The following SOX5 variants were observed in gnomAD, a reference collection of about 807,000 sequenced individuals.
SOX5 encodes transcription factor SOX-5.
Under a neutral mutation model 92.0 loss-of-function variants are expected in SOX5, and 9 were observed. That is an observed-to-expected ratio of 0.10 (90% confidence interval 0.06 to 0.17). The LOEUF (loss-of-function observed/expected upper bound fraction) is 0.17, where lower values mean the gene tolerates loss of function less well. Among genes scored for constraint, SOX5 ranks in the 10% least tolerant of loss-of-function variants. The probability of loss-of-function intolerance (pLI) is 1.00; values close to 1 mark genes in which losing one functional copy is unlikely to be tolerated. For synonymous variants in SOX5, 344 were observed against 336.3 expected (o/e 1.02, Z -0.25); for missense variants, 642 against 944.5 (o/e 0.68, Z 4.20).
At chr12:24,051,808 C>T (rs1467877491) in intron 4 of SOX5, among the ~76,000 whole-genome samples, 1 of 152,204 alleles carries the variant, frequency 6.6e-6, no homozygotes, top group Non-Finnish European at 1.5e-5. Context: ...CTTTTACCAA[C>T]AACCACATTA....
At chr12:23,753,409 A>C (rs1201824061) in intron 4 of SOX5, among the ~76,000 whole-genome samples, 1 of 151,696 alleles carries the variant, frequency 6.6e-6, no homozygotes, top group Non-Finnish European at 1.5e-5. Flanking sequence ...TTAAATGCAA[A>C]CTGGCTAATA....
At chr12:23,769,675 T>C (rs4301870) in intron 3 of SOX5, among the ~76,000 whole-genome samples, 40,708 of 152,074 alleles carry the variant, frequency 0.27, 6,436 homozygotes, top group African/African-American at 0.43. Flanking sequence ...TTGTATCTTC[T>C]GGGGTTAATA....
At chr12:23,827,100 A>G (rs1052376583) in intron 3 of SOX5, among the ~76,000 whole-genome samples, 2 of 152,152 alleles carry the variant, frequency 1.3e-5, no homozygotes, top group Admixed American at 1.3e-4. Flanking sequence ...TTAAATCAAG[A>G]CTCAGTATTT....
rs941959361 is a variant in SOX5, at chr12:23,618,425, T to C, written c.1018-13892A>G. Among the ~76,000 whole-genome samples, 4 of 152,170 alleles carry C rather than the reference T, an allele frequency of 2.6e-5. No homozygotes were observed. In the East Asian group the frequency reaches 5.8e-4, roughly 22 times the overall value. On this transcript the variant is annotated intron_variant, in intron 8 of 14. Coordinates refer to ENST00000451604, the MANE Select transcript of SOX5 (RefSeq NM_006940.6). ...AGATTGGGGGGTAGTAATCAAGCCA[T>C]TTTTAAACAGCATTCTAACTCAATA...
intron 1 of SOX5, among the ~76,000 whole-genome samples, chr12:24,432,290 T>C (rs1938504347): frequency 1.3e-5 from 2 of 152,210 alleles, no homozygotes; most frequent in Admixed American, 6.5e-5. Context: ...CCATTAAAGA[T>C]GGATACTTCC....
chr12:24,506,784 C>CTTGTTTTTTTTTTTTTTTTTTTTT (rs1948797481), intron 1 of SOX5, among the ~76,000 whole-genome samples: 1 of 81,760 alleles, frequency 1.2e-5, no homozygotes, highest in Non-Finnish European at 2.2e-5. Flanking sequence ...TCCAAATGGT[C>CTTGTTTTTTTTTTTTTTTTTTTTT]TTTTTTTTTT....
intron 3 of SOX5, among the ~76,000 whole-genome samples, chr12:24,217,795 A>T (rs1959373399): frequency 1.3e-5 from 2 of 152,258 alleles, no homozygotes; most frequent in South Asian, 4.1e-4. Context: ...TTAGAACTCT[A>T]TAATGAAAAG....
chr12:23,697,495 A>C (rs140528523), intron 6 of SOX5, among the ~76,000 whole-genome samples: 2 of 152,104 alleles, frequency 1.3e-5, no homozygotes, highest in Non-Finnish European at 2.9e-5. Context: ...TTTTTTGTTA[A>C]CTTGACAATC....
At chr12:23,909,107 T>C (rs1311224524) in intron 1 of SOX5, among the ~76,000 whole-genome samples, 1 of 152,180 alleles carries the variant, frequency 6.6e-6, no homozygotes, top group Non-Finnish European at 1.5e-5. Flanking sequence ...AGCAATGGTA[T>C]GACAAGTATA....
chr12:23,697,638 C>T (rs2090060432), intron 6 of SOX5, among the ~76,000 whole-genome samples: 1 of 152,182 alleles, frequency 6.6e-6, no homozygotes, highest in African/African-American at 2.4e-5. Context: ...GCAACCTCTG[C>T]CTCCCAGATT....
chr12:24,387,318 A>G (rs1256351994), intron 1 of SOX5, among the ~76,000 whole-genome samples: 1 of 152,206 alleles, frequency 6.6e-6, no homozygotes, highest in African/African-American at 2.4e-5. Context: ...ATGTGGCCCA[A>G]TACAAATTTG....
intron 1 of SOX5, among the ~76,000 whole-genome samples, chr12:24,386,156 C>T (rs1958390216): frequency 1.3e-5 from 2 of 151,956 alleles, no homozygotes; most frequent in African/African-American, 4.8e-5. Context: ...AAATTGGTTC[C>T]ATTATATGCT....
At chr12:24,530,845 C>T (rs953236518) in intron 1 of SOX5, among the ~76,000 whole-genome samples, 1 of 151,978 alleles carries the variant, frequency 6.6e-6, no homozygotes, top group African/African-American at 2.4e-5. Context: ...TAATATTACT[C>T]ATTGTAGTGG....
At chr12:23,557,792 G>A (rs1030563793) in intron 11 of SOX5, among the ~76,000 whole-genome samples, 1 of 152,052 alleles carries the variant, frequency 6.6e-6, no homozygotes, top group African/African-American at 2.4e-5. Context: ...TGGCGACCAT[G>A]GTGAAACCTT....
intron 3 of SOX5, among the ~76,000 whole-genome samples, chr12:23,808,559 T>G (rs2095821309): frequency 6.6e-6 from 1 of 152,142 alleles, no homozygotes. Context: ...ATAAAAATAT[T>G]TCATACTTAA....
chr12:23,661,196 T>C (rs2082998462), intron 7 of SOX5, among the ~76,000 whole-genome samples: 1 of 152,228 alleles, frequency 6.6e-6, no homozygotes, highest in South Asian at 2.1e-4. Context: ...CCACATAAAA[T>C]ATCTTCCTGT....
At chr12:23,612,945 A>G (rs1305666461) in intron 8 of SOX5, among the ~76,000 whole-genome samples, 1 of 152,206 alleles carries the variant, frequency 6.6e-6, no homozygotes, top group Non-Finnish European at 1.5e-5. Flanking sequence ...AATCTTTCAA[A>G]ACACAGCAGC....
At chr12:23,640,358 C>A (rs1384279465) in intron 8 of SOX5, among the ~76,000 whole-genome samples, 1 of 152,072 alleles carries the variant, frequency 6.6e-6, no homozygotes, top group East Asian at 1.9e-4. Flanking sequence ...CTTGCTTGCC[C>A]AACTCAGCTG....
chr12:24,172,076 TGCGTGTGTGTGTGTGTGCGTGCGC>T (rs1481409911), intron 4 of SOX5, among the ~76,000 whole-genome samples: 2 of 141,484 alleles, frequency 1.4e-5, no homozygotes, highest in African/African-American at 5.1e-5. Flanking sequence ...GAACTGTGTG[TGCGTGTGTGTGTGTGTGCGTGCGC>T]GCGTGTGTGT....
Sources: allele counts gnomAD v4.1 joint callset (sites outside exome capture counted in the v4.1 genomes callset), GRCh38; gene constraint gnomAD v4.1.1; transcripts MANE v1.5; gene names NCBI Gene and HGNC (gene_info 2026-07-23, HGNC 2026-07-21).